UBL7: variants seen among roughly 807,000 people sequenced by gnomAD.
UBL7 encodes ubiquitin-like protein 7.
A neutral mutation model predicts 41.7 loss-of-function variants in UBL7; 21 were observed. That is an observed-to-expected ratio of 0.50 (90% confidence interval 0.36 to 0.73). UBL7 has a LOEUF of 0.73. UBL7 is among the 30% of genes least tolerant of loss of function. The pLI, the probability that UBL7 is intolerant of heterozygous loss-of-function variation, is 0.00. For synonymous variants in UBL7, 157 were observed against 186.9 expected (o/e 0.84, Z 1.31); for missense variants, 403 against 478.4 (o/e 0.84, Z 1.47).
intron 3 of UBL7, among the ~76,000 whole-genome samples, chr15:74,455,016 C>G (rs1017229227): frequency 2.6e-5 from 4 of 152,176 alleles, no homozygotes; most frequent in African/African-American, 9.7e-5. Context: ...ATAGTGGTCT[C>G]AGAGTGGCCT....
chr15:74,452,742 C>T (rs1368614492), intron 3 of UBL7, among the ~76,000 whole-genome samples: 1 of 152,196 alleles, frequency 6.6e-6, no homozygotes. Flanking sequence ...TTCAGACAGT[C>T]TCACCTCTTG....
chr15:74,454,870 G>A (rs763940940), intron 3 of UBL7, among the ~76,000 whole-genome samples: 3 of 152,198 alleles, frequency 2.0e-5, no homozygotes, highest in Non-Finnish European at 2.9e-5. Context: ...GGTGGAAGCT[G>A]TAATTGGCCA....
chr15:74,459,568 CG>C (rs1468448835), intron 1 of UBL7, among the ~76,000 whole-genome samples: 1 of 151,406 alleles, frequency 6.6e-6, no homozygotes, highest in Non-Finnish European at 1.5e-5. Flanking sequence ...CCACCTGCCT[CG>C]GCCTCCCAAA....
Position 74,446,136 on chromosome 15 carries a change from T to TCC in UBL7, c.1095_1096dup (p.Asp366GlyfsTer?). 6.2e-7 allele frequency: 1 copy of TCC among 1,614,012 alleles called. No individual in the cohort carries two copies. Among genetic ancestry groups the TCC allele is most frequent in the South Asian group, 1.1e-5 (1 of 91,078 alleles). ...GATGAGCTCCAGGGCTGCTTGGATG[T>TCC]CCCCACCGGTGGCCTGCAGGGCCCG... is the stretch of plus-strand genomic sequence containing the variant. On this transcript the variant is annotated frameshift_variant, in exon 11 of 11. Coordinates refer to ENST00000395081, the MANE Select transcript of UBL7 (RefSeq NM_032907.5). LOFTEE classifies it high-confidence loss of function. This position sits in a 1 kb window ranked among gnomAD's most constrained non-coding sequence, Gnocchi z 4.1.
rs201693374 is a variant in UBL7, at chr15:74,449,903, G to A, written c.664+33C>T. The stretch of plus-strand genomic sequence containing the variant: ...AATTCCTGGGCCACTGCCGGCTCCT[G>A]AGGGGCCCACATTACACTTTTCAGG... On this transcript the variant is annotated intron_variant, in intron 7 of 10. Coordinates refer to ENST00000395081, the MANE Select transcript of UBL7 (RefSeq NM_032907.5). 2.0e-4 allele frequency: 323 copies of A among 1,595,646 alleles called. 1 individual carries two copies. The highest frequency in any genetic ancestry group is 1.8e-3 in the Middle Eastern group (11 of 6,012).
chr15:74,457,563 A>C (rs940717288), intron 2 of UBL7, among the ~76,000 whole-genome samples: 2 of 150,820 alleles, frequency 1.3e-5, no homozygotes, highest in East Asian at 3.9e-4. Flanking sequence ...AAATATATAT[A>C]TATATACACA....
intron 9 of UBL7, 90 bp from the exon 10 acceptor site, chr15:74,448,690 C>CTCTTATAGCAGATGCTCG: frequency 6.5e-7 from 1 of 1,528,242 alleles, no homozygotes; most frequent in Non-Finnish European, 8.9e-7. Context: ...TCACAGCACT[C>CTCTTATAGCAGATGCTCG]CTGAGGTACC....
At chr15:74,460,683 C>T in intron 1 of UBL7, 1 of 1,288,304 alleles carries the variant, frequency 7.8e-7, no homozygotes, top group African/African-American at 1.5e-5. Context: ...ATACATGGAA[C>T]CCCAGAAAAT....
chr15:74,456,878 C>T (rs1042543396), intron 2 of UBL7, among the ~76,000 whole-genome samples: 2 of 152,000 alleles, frequency 1.3e-5, no homozygotes, highest in Non-Finnish European at 2.9e-5. Flanking sequence ...GGCACCATCA[C>T]GGTTCACTGC....
At chr15:74,457,736 CAAAAAAAAAAAA>C (rs1187527943) in intron 2 of UBL7, among the ~76,000 whole-genome samples, 3 of 37,652 alleles carry the variant, frequency 8.0e-5, no homozygotes, top group Non-Finnish European at 1.1e-4. Flanking sequence ...GACTCCGTCT[CAAAAAAAAAAAA>C]AAAAAAAAAG....
In UBL7 at chr15:74,452,395, T is replaced by C. The variant is rs970970231; in HGVS notation, c.305-17A>G. 6.4e-7 allele frequency: 1 copy of C among 1,553,574 alleles called. No individual in the cohort carries two copies. Among genetic ancestry groups the C allele is most frequent in the Non-Finnish European group, 8.7e-7 (1 of 1,147,796 alleles). On this transcript the variant is annotated splice_polypyrimidine_tract_variant and intron_variant, in intron 3 of 10. Coordinates refer to ENST00000395081, the MANE Select transcript of UBL7 (RefSeq NM_032907.5). ...CCACAGGTTCTGGGGGACAAGACATTCAGAGTTACCCTATAGCGCAGGTCC... is the reference window on the plus strand; with the variant it reads ...CCACAGGTTCTGGGGGACAAGACATCCAGAGTTACCCTATAGCGCAGGTCC...
intron 1 of UBL7, among the ~76,000 whole-genome samples, chr15:74,460,012 A>T (rs4468560): frequency 6.9e-6 from 1 of 144,242 alleles, no homozygotes; most frequent in Non-Finnish European, 1.5e-5. Flanking sequence ...GAGGCCGCGG[A>T]GGACGGATCA....
chr15:74,452,565 G>A (rs1156364546), intron 3 of UBL7, among the ~76,000 whole-genome samples, 187 bp from the exon 4 acceptor site: 1 of 152,184 alleles, frequency 6.6e-6, no homozygotes, highest in Non-Finnish European at 1.5e-5. Flanking sequence ...AAAACTGCTA[G>A]TAAGCATCTT....
intron 10 of UBL7, among the ~76,000 whole-genome samples, chr15:74,447,907 C>T (rs1454827877): frequency 6.6e-6 from 1 of 152,222 alleles, no homozygotes; most frequent in East Asian, 1.9e-4. Flanking sequence ...TACCTCCACA[C>T]ATGTGCACAA....
chr15:74,456,382 ACT>A (rs1456566736), intron 3 of UBL7, among the ~76,000 whole-genome samples, 168 bp downstream of exon 3: 6 of 152,082 alleles, frequency 3.9e-5, no homozygotes, highest in African/African-American at 1.4e-4. Context: ...TCAAAATTGG[ACT>A]CTGTTTATCA....
chr15:74,455,037 TG>T (rs1285376485), intron 3 of UBL7, among the ~76,000 whole-genome samples: 2 of 152,204 alleles, frequency 1.3e-5, no homozygotes, highest in African/African-American at 4.8e-5. Context: ...TGACTGCTAC[TG>T]GGGATCTGTA....
chr15:74,450,905 T>C (rs1239367299), intron 5 of UBL7, 46 bp from the exon 6 acceptor site: 7 of 1,606,518 alleles, frequency 4.4e-6, no homozygotes, highest in Non-Finnish European at 6.0e-6. Flanking sequence ...ATCAGCCAGA[T>C]CCAGGAGGGA....
At chr15:74,460,859 T>G in intron 1 of UBL7, 178 bp downstream of exon 1, 1 of 1,195,768 alleles carries the variant, frequency 8.4e-7, no homozygotes, top group South Asian at 1.5e-5. Context: ...CCACCTCAAG[T>G]TTATGCCAGA....
At chr15:74,450,738 A>G (rs2061236610) in intron 6 of UBL7, 64 bp downstream of exon 6, 3 of 1,572,590 alleles carry the variant, frequency 1.9e-6, no homozygotes, top group Admixed American at 1.7e-5. Flanking sequence ...CAGGGTGACA[A>G]TTAGGCTTCT....
Sources: allele counts gnomAD v4.1 joint callset (sites outside exome capture counted in the v4.1 genomes callset), GRCh38; gene constraint gnomAD v4.1.1; non-coding constraint Gnocchi (gnomAD v3.1); transcripts MANE v1.5; gene names NCBI Gene and HGNC (gene_info 2026-07-23, HGNC 2026-07-21).